Variants in GGACT observed in about 807,000 individuals in gnomAD.
GGACT encodes the protein gamma-glutamylamine cyclotransferase.
For synonymous variants in GGACT, 118 were observed against 115.3 expected, an observed-to-expected ratio of 1.02 and a Z score of -0.15; for missense variants, 241 against 233.2, an observed-to-expected ratio of 1.03 and a Z score of -0.22.
At chr13:100,574,376 G>C (rs912526433) in intron 2 of GGACT, among the ~76,000 whole-genome samples, 3 of 152,104 alleles carry the variant, frequency 2.0e-5, no homozygotes, top group Non-Finnish European at 2.9e-5. Flanking sequence ...AGGAGTTTGA[G>C]ACCAGCCTGG....
At chr13:100,560,768 C>T (rs759916183) in intron 2 of GGACT, among the ~76,000 whole-genome samples, 17 of 152,248 alleles carry the variant, frequency 1.1e-4, no homozygotes, top group Non-Finnish European at 2.2e-4. Context: ...GTTTTTCTGA[C>T]TCTTGGCCAA....
Position 100,532,551 on chromosome 13 carries a change from T to C in GGACT, c.41A>G (p.Gln14Arg), listed in dbSNP as rs1476639318. The C allele has an allele frequency of 6.5e-7, 1 of 1,547,370 alleles. No homozygotes were observed. The highest frequency in any genetic ancestry group is 2.5e-5 in the East Asian group (1 of 40,788). The change falls in exon 3 of 3, where the codon CAG (glutamine) becomes CGG (arginine). Residue 14 changes from glutamine to arginine, a missense_variant. Transcript: ENST00000683975. The stretch of plus-strand genomic sequence containing the variant: ...GTCCCGCAGGACCCTGTGGTTGGGC[T>C]GACCCCGCTTCAGGGTGCCGTACAC... ...VFVYGTLKRG[Q>R]PNHRVLRDGA...
At chr13:100,536,509 T>G (rs1445725031) in intron 2 of GGACT, 1 of 151,336 alleles carries the variant, frequency 6.6e-6, no homozygotes, top group Admixed American at 6.6e-5. Context: ...TGTTGTGTGT[T>G]TTTTTTTTCA....
intron 2 of GGACT, among the ~76,000 whole-genome samples, chr13:100,546,920 C>T (rs372558038): frequency 1.5e-4 from 23 of 152,310 alleles, no homozygotes; most frequent in South Asian, 4.1e-4. Flanking sequence ...CACCCCCCTA[C>T]GTCATCTGGC....
chr13:100,540,139 T>A (rs1414320928), intron 2 of GGACT: 2 of 1,591,930 alleles, frequency 1.3e-6, no homozygotes, highest in African/African-American at 2.7e-5. Context: ...GACGAATTTC[T>A]TAATGGCGTT....
At chr13:100,555,506 C>A (rs1265222788) in intron 2 of GGACT, among the ~76,000 whole-genome samples, 1 of 151,654 alleles carries the variant, frequency 6.6e-6, no homozygotes, top group Non-Finnish European at 1.5e-5. Flanking sequence ...CTCCAGCCTG[C>A]GTGACAGAGT....
At position 100,532,612 on chromosome 13, in the gene GGACT, A is replaced by G; in HGVS notation, c.-10-11T>C. On this transcript the variant is annotated splice_polypyrimidine_tract_variant and intron_variant, in intron 2 of 2. Transcript: ENST00000683975. ...GCCATCCGGGCAGAGCTGCAGGGAG[A>G]GGGGAAGTCACAGGTCAGCCCGCAG... is the stretch of plus-strand genomic sequence containing the variant. The G allele has an allele frequency of 3.3e-6, 5 of 1,517,904 alleles. No individual in the cohort carries two copies. Among genetic ancestry groups the G allele is most frequent in the Non-Finnish European group, 4.4e-6 (5 of 1,126,304 alleles). 94.0% of individuals were successfully genotyped at this position (1,517,904 alleles called of 1,614,324 possible).
intron 1 of GGACT, among the ~76,000 whole-genome samples, chr13:100,585,632 G>A (rs1407997800): frequency 6.6e-6 from 1 of 151,916 alleles, no homozygotes; most frequent in Non-Finnish European, 1.5e-5. Context: ...GTTGGGTGTG[G>A]TGGCATGCGC....
Position 100,532,471 on chromosome 13 carries a change from G to A in GGACT, c.121C>T (p.Pro41Ser). The change falls in exon 3 of 3, where the codon CCG (proline) becomes TCG (serine). Residue 41 changes from proline to serine, a missense_variant. Pro to Ser is a moderately conservative substitution (Grantham distance 74). Coordinates refer to ENST00000683975, the MANE Select transcript of GGACT (RefSeq NM_001195087.2). ...RARGRTLEPY[P>S]LVIAGEHNIP... ...TTGTGCTCCCCCGCGATCACCAACG[G>A]GTAGGGCTCCAGCGTGCGGCCGCGC... The A allele has an allele frequency of 6.5e-7, 1 of 1,549,666 alleles. No homozygotes were observed. The highest frequency in any genetic ancestry group is 1.2e-5 in the South Asian group (1 of 84,044).
At chr13:100,578,850 T>A (rs978882645) in intron 2 of GGACT, 6 of 152,332 alleles carry the variant, frequency 3.9e-5, no homozygotes, top group African/African-American at 1.2e-4. Flanking sequence ...AAAACCATCA[T>A]GAGATGTAAA....
Position 100,532,451 on chromosome 13 carries a change from C to G in GGACT, c.141G>C (p.Glu47Asp), listed in dbSNP as rs2088421806. 1 of 1,549,802 alleles carries G rather than the reference C, an allele frequency of 6.5e-7. No individual in the cohort carries two copies. The highest frequency in any genetic ancestry group is 1.4e-5 in the African/African-American group (1 of 73,170). ...LEPYPLVIAG[E>D]HNIPWLLHLP... ...GGTGCAGCAGCCACGGGATGTTGTGCTCCCCCGCGATCACCAACGGGTAGG... is the reference window on the plus strand; with the variant it reads ...GGTGCAGCAGCCACGGGATGTTGTGGTCCCCCGCGATCACCAACGGGTAGG... Residue 47 changes from glutamate to aspartate, a missense_variant, in exon 3 of 3, where the codon GAG becomes GAC. Physicochemically the swap from Glu to Asp is conservative, Grantham distance 45 (BLOSUM62 2). Coordinates refer to ENST00000683975, the MANE Select transcript of GGACT (RefSeq NM_001195087.2).
At chr13:100,533,166 A>C (rs1594180150) in intron 2 of GGACT, 1 of 157,820 alleles carries the variant, frequency 6.3e-6, no homozygotes, top group Admixed American at 6.0e-5. Context: ...CCCAACTCCT[A>C]CCCCCATCGT....
chr13:100,539,632 G>A (rs987048132), intron 2 of GGACT: 6 of 470,908 alleles, frequency 1.3e-5, no homozygotes, highest in South Asian at 3.8e-5. Context: ...TTTTGGCATC[G>A]ATCTTCATCA....
At chr13:100,573,212 C>T (rs1171491586) in intron 2 of GGACT, among the ~76,000 whole-genome samples, 1 of 152,166 alleles carries the variant, frequency 6.6e-6, no homozygotes, top group Non-Finnish European at 1.5e-5. Flanking sequence ...TTGAACGTCA[C>T]TGTTTACTAC....
chr13:100,577,452 A>AATAAATAAATAAATAG (rs758983522), intron 2 of GGACT, among the ~76,000 whole-genome samples: 1 of 148,626 alleles, frequency 6.7e-6, no homozygotes, highest in African/African-American at 2.5e-5. Context: ...TAAATAAATA[A>AATAAATAAATAAATAG]AAAGAAAAAG....
chr13:100,546,175 A>G (rs1241889513), intron 2 of GGACT, among the ~76,000 whole-genome samples: 1 of 152,034 alleles, frequency 6.6e-6, no homozygotes, highest in Non-Finnish European at 1.5e-5. Context: ...CCTAGCTAAC[A>G]TGGTGAAACC....
chr13:100,538,108 A>G (rs1223162289), intron 2 of GGACT: 1 of 152,188 alleles, frequency 6.6e-6, no homozygotes, highest in African/African-American at 2.4e-5. Context: ...CAACTCTGTA[A>G]AGTAGGTGGT....
intron 2 of GGACT, among the ~76,000 whole-genome samples, chr13:100,566,125 C>G (rs1346002911): frequency 6.6e-6 from 1 of 152,206 alleles, no homozygotes; most frequent in Non-Finnish European, 1.5e-5. Flanking sequence ...GAGAAGGCCA[C>G]AGTGCAGCCA....
Position 100,532,532 on chromosome 13 carries a change from C to T in GGACT, c.60G>A (p.Leu20=), listed in dbSNP as rs2088425775. Residue 20 remains leucine, a synonymous_variant, in exon 3 of 3, where the codon CTG becomes CTA. Coordinates refer to ENST00000683975, the MANE Select transcript of GGACT (RefSeq NM_001195087.2). The part of the protein sequence containing the change: ...LKRGQPNHRV[L]RDGAHGSAAF... The stretch of plus-strand genomic sequence containing the variant: ...CTGCGGAGCCGTGGGCGCCGTCCCG[C>T]AGGACCCTGTGGTTGGGCTGACCCC... The T allele has an allele frequency of 6.5e-7, 1 of 1,548,140 alleles. No individual in the cohort carries two copies. The highest frequency in any genetic ancestry group is 2.0e-5 in the Admixed American group (1 of 50,872).
Sources: gnomAD v4.1 joint callset for allele counts (sites outside exome capture counted in the v4.1 genomes callset) on GRCh38, gnomAD v4.1.1 for gene constraint, MANE v1.5 for transcripts, NCBI Gene and HGNC (gene_info 2026-07-23, HGNC 2026-07-21) for gene names.